PPP1R21: variants seen among roughly 807,000 people sequenced by gnomAD.
The protein encoded by PPP1R21 is protein phosphatase 1 regulatory subunit 21.
Under a neutral mutation model 112.8 loss-of-function variants are expected in PPP1R21, and 85 were observed. The observed-to-expected ratio is 0.75, with a 90% CI of 0.63 to 0.90. PPP1R21 has a LOEUF of 0.90. Ranked by LOEUF, PPP1R21 falls within the 40% of genes least tolerant of loss-of-function variation. PPP1R21 has a pLI of 0.00. For missense variants in PPP1R21, 1,199 were observed against 901.5 expected, an observed-to-expected ratio of 1.33 and a Z score of -4.23; for synonymous variants, 381 against 322.3, an observed-to-expected ratio of 1.18 and a Z score of -1.95.
At chr2:48,450,165 T>G (rs998904870) in intron 1 of PPP1R21, among the ~76,000 whole-genome samples, 1 of 152,202 alleles carries the variant, frequency 6.6e-6, no homozygotes, top group Non-Finnish European at 1.5e-5. Flanking sequence ...TCCAGCTCAC[T>G]GCTTTTTTCA....
At chr2:48,466,076 G>A (rs935702780) in intron 9 of PPP1R21, among the ~76,000 whole-genome samples, 20 of 152,116 alleles carry the variant, frequency 1.3e-4, no homozygotes, top group African/African-American at 4.8e-4. Flanking sequence ...TCACTATTGT[G>A]AGAACAGCAC....
At chr2:48,441,163 C>T (rs1242414136) in intron 1 of PPP1R21, 153 bp downstream of exon 1, 9 of 649,416 alleles carry the variant, frequency 1.4e-5, no homozygotes, top group East Asian at 9.4e-5. Flanking sequence ...ATTACGGTGC[C>T]TCCACCTGCA....
At chr2:48,453,865 A>G (rs1667592508) in intron 2 of PPP1R21, among the ~76,000 whole-genome samples, 1 of 152,226 alleles carries the variant, frequency 6.6e-6, no homozygotes, top group Non-Finnish European at 1.5e-5. Flanking sequence ...TGACTAATTT[A>G]AATTCAGGGA....
At chr2:48,478,644 T>C (rs555237576) in intron 12 of PPP1R21, among the ~76,000 whole-genome samples, 1 of 152,338 alleles carries the variant, frequency 6.6e-6, no homozygotes, top group African/African-American at 2.4e-5. Context: ...AGTGTACACC[T>C]AGCAGGTAGA....
At chr2:48,504,212 T>C (rs904939715) in intron 17 of PPP1R21, among the ~76,000 whole-genome samples, 4 of 152,238 alleles carry the variant, frequency 2.6e-5, no homozygotes, top group East Asian at 1.9e-4. Context: ...AGAAAAATTA[T>C]GGCTCTTCTA....
Position 48,495,688 on chromosome 2 carries a change from G to A in PPP1R21, c.1609G>A (p.Glu537Lys). The A allele has an allele frequency of 1.2e-6, 2 of 1,601,356 alleles. No homozygotes were observed. The highest frequency in any genetic ancestry group is 2.2e-5 in the South Asian group (2 of 90,738). Residue 537 changes from glutamate to lysine, a missense_variant, in exon 16 of 22, where the codon GAG becomes AAG. Transcript: ENST00000294952. ...YMKSLRKPLL[E>K]SVPYEEALAN... ...GATGCTTTTATCATAGCCCCTCTTG[G>A]AGTCTGTGCCTTATGAAGAAGCACT...
At chr2:48,444,995 G>C (rs189848749) in intron 1 of PPP1R21, among the ~76,000 whole-genome samples, 25 of 151,994 alleles carry the variant, frequency 1.6e-4, no homozygotes, top group African/African-American at 5.5e-4. Context: ...TTAGTACACA[G>C]CTACTTGTAT....
At chr2:48,470,093 T>A (rs933390339) in intron 9 of PPP1R21, among the ~76,000 whole-genome samples, 14 of 152,224 alleles carry the variant, frequency 9.2e-5, no homozygotes, top group Non-Finnish European at 4.4e-5. Context: ...ATTAGATAAT[T>A]GAGATATTTA....
intron 15 of PPP1R21, among the ~76,000 whole-genome samples, chr2:48,493,913 A>G (rs1305459486): frequency 1.3e-5 from 2 of 151,946 alleles, no homozygotes; most frequent in African/African-American, 4.8e-5. Flanking sequence ...ACGTCCTGAT[A>G]AGCCCATTGT....
chr2:48,452,553 A>AT (rs1667524491), intron 2 of PPP1R21, among the ~76,000 whole-genome samples: 1 of 150,740 alleles, frequency 6.6e-6, no homozygotes, highest in Admixed American at 6.6e-5. Flanking sequence ...AGAAAAATAA[A>AT]TTATTTTTTT....
chr2:48,441,144 C>G (rs552246423), intron 1 of PPP1R21, 134 bp downstream of exon 1: 1 of 690,398 alleles, frequency 1.4e-6, no homozygotes, highest in Non-Finnish European at 2.6e-6. Flanking sequence ...TCAGCCGTCT[C>G]CGTCCACCAT....
intron 17 of PPP1R21, among the ~76,000 whole-genome samples, chr2:48,502,676 CTTTTTTTTTTT>C (rs762811938): frequency 4.3e-5 from 4 of 94,042 alleles, no homozygotes; most frequent in South Asian, 3.5e-4. Context: ...AGAAACTTTT[CTTTTTTTTTTT>C]TTTTTTTTTT....
At chr2:48,443,226 C>A (rs904434606) in intron 1 of PPP1R21, among the ~76,000 whole-genome samples, 8 of 152,010 alleles carry the variant, frequency 5.3e-5, no homozygotes, top group African/African-American at 1.9e-4. Context: ...CAGAGTTGTC[C>A]CTGCAGTTCT....
At chr2:48,470,125 G>C (rs569366783) in intron 9 of PPP1R21, among the ~76,000 whole-genome samples, 17 of 152,230 alleles carry the variant, frequency 1.1e-4, no homozygotes, top group African/African-American at 4.1e-4. Flanking sequence ...TAATCTTTTT[G>C]CCTATAAATT....
chr2:48,493,193 G>A (rs1280530320), intron 15 of PPP1R21, among the ~76,000 whole-genome samples: 34 of 152,076 alleles, frequency 2.2e-4, no homozygotes, highest in South Asian at 1.0e-3. Context: ...TTTTAGTAGA[G>A]ACGGGGTTTC....
intron 19 of PPP1R21, among the ~76,000 whole-genome samples, chr2:48,509,031 G>A (rs562074463): frequency 6.6e-6 from 1 of 152,252 alleles, no homozygotes; most frequent in East Asian, 1.9e-4. Context: ...CTCCTTGTCA[G>A]TAACCTTATC....
intron 13 of PPP1R21, among the ~76,000 whole-genome samples, chr2:48,482,645 GTTTTT>G (rs200292830): frequency 7.9e-6 from 1 of 126,578 alleles, no homozygotes; most frequent in African/African-American, 3.0e-5. Flanking sequence ...TAAAGACACT[GTTTTT>G]TTTTTTTTTT....
intron 1 of PPP1R21, 197 bp downstream of exon 1, chr2:48,441,207 T>A: frequency 1.6e-6 from 1 of 610,436 alleles, no homozygotes; most frequent in African/African-American, 1.9e-5. Context: ...GGTGTCTGCG[T>A]CCGTGAGCGT....
chr2:48,498,393 C>T, intron 16 of PPP1R21, 100 bp from the exon 17 acceptor site: 1 of 1,127,196 alleles, frequency 8.9e-7, no homozygotes, highest in Non-Finnish European at 1.3e-6. Flanking sequence ...ATTTTTACCT[C>T]TGTGGGGTAG....
Sources: allele counts gnomAD v4.1 joint callset (sites outside exome capture counted in the v4.1 genomes callset), GRCh38; gene constraint gnomAD v4.1.1; transcripts MANE v1.5; gene names NCBI Gene and HGNC (gene_info 2026-07-23, HGNC 2026-07-21).